The following CSMD2 variants were observed in gnomAD, a reference collection of about 807,000 sequenced individuals.
CSMD2 encodes CUB and sushi domain-containing protein 2.
In CSMD2, 130 loss-of-function variants were observed where a neutral mutation model predicts 398.5. The ratio of observed to expected loss-of-function variants is 0.33; its 90% CI spans 0.28 to 0.38. CSMD2 has a LOEUF of 0.38. Among genes scored for constraint, CSMD2 ranks in the 10% least tolerant of loss-of-function variants. The probability of loss-of-function intolerance (pLI) is 1.00; values close to 1 mark genes in which losing one functional copy is unlikely to be tolerated. For missense variants in CSMD2, 3,829 were observed against 4,764.9 expected, an observed-to-expected ratio of 0.80 and a Z score of 5.78; for synonymous variants, 1,828 against 1,908.5, an observed-to-expected ratio of 0.96 and a Z score of 1.10.
chr1:33,825,059 C>T (rs1658629879), intron 7 of CSMD2, among the ~76,000 whole-genome samples: 1 of 152,168 alleles, frequency 6.6e-6, no homozygotes, highest in Non-Finnish European at 1.5e-5. Context: ...ACATTCCAGA[C>T]CATTCCCCAG....
rs115216785 is a variant in CSMD2, at chr1:33,877,267, G to A, written c.921-30271C>T. Among the ~76,000 whole-genome samples the A allele has an allele frequency of 7.3e-3, 1,109 of 152,300 alleles. 11 individuals carry two copies. Among genetic ancestry groups the A allele is most frequent in the African/African-American group, 0.024 (1,015 of 41,544 alleles). On this transcript the variant is annotated intron_variant, in intron 5 of 70. Coordinates refer to ENST00000373381, the MANE Select transcript of CSMD2 (RefSeq NM_001281956.2). ...AACCTGTTGAGTGGGTTTATAGATTGTGTCACAAGTTCTGGGAAAATGAGA... is the reference window on the plus strand; with the variant it reads ...AACCTGTTGAGTGGGTTTATAGATTATGTCACAAGTTCTGGGAAAATGAGA...
At chr1:33,702,389 T>C (rs1195640801) in intron 22 of CSMD2, among the ~76,000 whole-genome samples, 1 of 152,200 alleles carries the variant, frequency 6.6e-6, no homozygotes, top group African/African-American at 2.4e-5. Flanking sequence ...ATATTTTCCT[T>C]AATTTCCAAG....
chr1:33,810,811 TG>T lies in CSMD2; in HGVS notation c.1377del (p.Asn460IlefsTer24). 6.2e-7 allele frequency: 1 copy of T among 1,612,538 alleles called. No individual in the cohort carries two copies. The highest frequency in any genetic ancestry group is 8.5e-7 in the Non-Finnish European group (1 of 1,179,340). ...LRGPSGIITS[P>X]NFPIQYDNNA... ...TTGTTGTCATACTGAATGGGGAAAT[TG>T]GGGGAGGTGATGATGCCCGAGGGGC... On this transcript the variant is annotated frameshift_variant, in exon 10 of 71. Transcript: ENST00000373381. LOFTEE classifies it high-confidence loss of function.
At chr1:34,060,857 C>T (rs1654410109) in intron 2 of CSMD2, among the ~76,000 whole-genome samples, 1 of 152,052 alleles carries the variant, frequency 6.6e-6, no homozygotes, top group Non-Finnish European at 1.5e-5. Flanking sequence ...TCAGCCAGGC[C>T]TCATCTTCGT....
chr1:33,805,418 C>G (rs1448813341), intron 10 of CSMD2, among the ~76,000 whole-genome samples: 2 of 152,126 alleles, frequency 1.3e-5, no homozygotes, highest in African/African-American at 4.8e-5. Context: ...AGGAAATCTG[C>G]TTCCAGTGTT....
chr1:34,089,319 T>G, intron 1 of CSMD2, 126 bp from the exon 2 acceptor site: 1 of 869,092 alleles, frequency 1.2e-6, no homozygotes, highest in Non-Finnish European at 1.8e-6. Context: ...GAGCCAGCCC[T>G]GTACTTGGCA....
chr1:33,637,344 G>A (rs910763866), intron 29 of CSMD2, among the ~76,000 whole-genome samples: 9 of 152,144 alleles, frequency 5.9e-5, no homozygotes, highest in Non-Finnish European at 1.3e-4. Flanking sequence ...TTTTTTTCAT[G>A]TGGCTATTGA....
At position 33,936,576 on chromosome 1, in the gene CSMD2, A is replaced by T. The variant is rs1644486957; in HGVS notation, c.518-622T>A. On this transcript the variant is annotated intron_variant, in intron 3 of 70. Coordinates refer to ENST00000373381, the MANE Select transcript of CSMD2 (RefSeq NM_001281956.2). ...AATTGGGAGCCAGGAAACACCATGC[A>T]CAGTGTGTGGCCAGAGCCAAGCAAT... Among the ~76,000 whole-genome samples, 3 of 152,358 alleles carry T rather than the reference A, an allele frequency of 2.0e-5. No homozygotes were observed. The South Asian group carries it at 6.2e-4, about 32-fold the overall frequency.
At chr1:33,783,213 A>G (rs1402416640) in intron 12 of CSMD2, among the ~76,000 whole-genome samples, 2 of 152,086 alleles carry the variant, frequency 1.3e-5, no homozygotes, top group Non-Finnish European at 2.9e-5. Flanking sequence ...GTGGGGGCAG[A>G]GATGGCGAGC....
Position 33,556,174 on chromosome 1 carries a change from A to T in CSMD2, c.8743+1560T>A, listed in dbSNP as rs185020147. Among the ~76,000 whole-genome samples, 40 of 152,334 alleles carry T rather than the reference A, an allele frequency of 2.6e-4. No homozygotes were observed. In the East Asian group the frequency reaches 7.3e-3, roughly 28 times the overall value. ...GGATAGGGTCACTTTATTATGATAAAAGCTGCATTTTACTAGAAGAAAAAA... is the reference window on the plus strand; with the variant it reads ...GGATAGGGTCACTTTATTATGATAATAGCTGCATTTTACTAGAAGAAAAAA... On this transcript the variant is annotated intron_variant, in intron 55 of 70. Transcript: ENST00000373381.
chr1:34,126,417 C>T (rs1486622721), intron 1 of CSMD2, among the ~76,000 whole-genome samples: 1 of 152,186 alleles, frequency 6.6e-6, no homozygotes, highest in Admixed American at 6.5e-5. Context: ...GATCCTTGCC[C>T]ATGAGCACAG....
At chr1:33,856,356 C>T (rs1171465830) in intron 5 of CSMD2, among the ~76,000 whole-genome samples, 1 of 152,168 alleles carries the variant, frequency 6.6e-6, no homozygotes, top group East Asian at 1.9e-4. Context: ...TACACCTGGC[C>T]ATCAACTTCC....
intron 16 of CSMD2, among the ~76,000 whole-genome samples, chr1:33,725,879 A>C (rs1646513252): frequency 1.3e-5 from 2 of 152,006 alleles, no homozygotes; most frequent in South Asian, 4.2e-4. Context: ...GATCTGGTCT[A>C]TAGCCTGGAG....
At chr1:34,120,351 A>G (rs962469879) in intron 1 of CSMD2, among the ~76,000 whole-genome samples, 1 of 152,192 alleles carries the variant, frequency 6.6e-6, no homozygotes, top group Admixed American at 6.5e-5. Flanking sequence ...TGCAGAATGA[A>G]AAAGTTCTAG....
At chr1:33,768,885 T>C (rs1240700869) in intron 13 of CSMD2, among the ~76,000 whole-genome samples, 1 of 152,180 alleles carries the variant, frequency 6.6e-6, no homozygotes, top group Non-Finnish European at 1.5e-5. Context: ...ACTATACACA[T>C]TAAGAACTGA....
chr1:33,739,067 C>T, intron 15 of CSMD2, 73 bp downstream of exon 15: 1 of 1,461,124 alleles, frequency 6.8e-7, no homozygotes, highest in Middle Eastern at 2.4e-4. Context: ...CCACCATGGC[C>T]TGGGCTGCTT....
At chr1:34,087,301 A>T (rs1032978523) in intron 2 of CSMD2, among the ~76,000 whole-genome samples, 11 of 152,048 alleles carry the variant, frequency 7.2e-5, no homozygotes, top group Non-Finnish European at 1.0e-4. Flanking sequence ...ATAAAAAAGG[A>T]TGAGTTAATG....
chr1:33,591,865 T>C (rs1295985777), intron 44 of CSMD2: 5 of 156,128 alleles, frequency 3.2e-5, no homozygotes, highest in Admixed American at 3.1e-4. Context: ...TTGTAATGAC[T>C]GTATCTTTCC....
intron 3 of CSMD2, among the ~76,000 whole-genome samples, chr1:34,013,695 G>GA (rs950891349): frequency 2.0e-5 from 3 of 151,946 alleles, no homozygotes; most frequent in East Asian, 1.9e-4. Context: ...CACACCTGGG[G>GA]AAAAAAAGGG....
Sources: allele counts gnomAD v4.1 joint callset (sites outside exome capture counted in the v4.1 genomes callset), GRCh38; gene constraint gnomAD v4.1.1; transcripts MANE v1.5; gene names NCBI Gene and HGNC (gene_info 2026-07-23, HGNC 2026-07-21).